Variants in DCLRE1A observed in about 807,000 individuals in gnomAD.
DCLRE1A encodes DNA cross-link repair 1A, also known as DNA cross-link repair 1A protein.
Under a neutral mutation model 91.9 loss-of-function variants are expected in DCLRE1A, and 64 were observed. The observed-to-expected ratio is 0.70, with a 90% CI of 0.57 to 0.86. The LOEUF is 0.86. Among genes scored for constraint, DCLRE1A ranks in the 40% least tolerant of loss-of-function variants. The pLI is 0.00. For missense variants in DCLRE1A, 1,145 were observed against 1,213.3 expected (o/e 0.94, Z 0.84); for synonymous variants, 416 against 431.1 (o/e 0.96, Z 0.43).
At chr10:113,836,338 T>C (rs1312821527) in intron 8 of DCLRE1A, among the ~76,000 whole-genome samples, 4 of 152,100 alleles carry the variant, frequency 2.6e-5, no homozygotes, top group Admixed American at 2.6e-4. Flanking sequence ...ATTCTTCCTT[T>C]AGACACTTTA....
intron 1 of DCLRE1A, among the ~76,000 whole-genome samples, chr10:113,852,065 G>A (rs989487825): frequency 1.3e-5 from 2 of 152,138 alleles, no homozygotes; most frequent in Admixed American, 1.3e-4. Flanking sequence ...GGCCGGGCGC[G>A]GTGGTTCATG....
intron 5 of DCLRE1A, among the ~76,000 whole-genome samples, chr10:113,843,018 ATG>A (rs1401308366): frequency 1.7e-5 from 2 of 119,930 alleles, no homozygotes; most frequent in African/African-American, 6.5e-5. Context: ...ATATATGTAC[ATG>A]TGTACACACA....
chr10:113,837,765 G>A (rs762651778), intron 7 of DCLRE1A, among the ~76,000 whole-genome samples: 3 of 152,056 alleles, frequency 2.0e-5, no homozygotes, highest in Non-Finnish European at 4.4e-5. Flanking sequence ...ACTATTGTTG[G>A]AAGTAATATG....
At position 113,849,753 on chromosome 10, in the gene DCLRE1A, G is replaced by A; in HGVS notation, c.1352C>T (p.Ser451Phe). Residue 451 changes from serine to phenylalanine, a missense_variant, in exon 2 of 9, where the codon TCT (serine) becomes TTT (phenylalanine). Transcript: ENST00000361384. ...NKQKQVIEES[S>F]VYNQVSLPLV... The stretch of plus-strand genomic sequence containing the variant: ...CGGAAGAGAAACTTGATTGTAAACA[G>A]ATGATTCTTCAATTACCTGTTTCTG... 5 of 1,614,156 alleles carry A rather than the reference G, an allele frequency of 3.1e-6. No homozygotes were observed. The highest frequency in any genetic ancestry group is 4.2e-6 in the Non-Finnish European group (5 of 1,180,038).
In DCLRE1A at chr10:113,853,169, A is replaced by C; in HGVS notation, c.14T>G (p.Ile5Ser). MLED[I>S]SEEDIWEYKS... ...GTATTCCCAAATGTCTTCTTCGGAAATGTCTTCTAACATGGCAAAATGATT... is the reference window on the plus strand; with the variant it reads ...GTATTCCCAAATGTCTTCTTCGGAACTGTCTTCTAACATGGCAAAATGATT... The change falls in exon 1 of 9, where the codon ATT becomes AGT. Residue 5 changes from isoleucine to serine, a missense_variant. By Grantham distance (142) the Ile-to-Ser change is moderately radical (BLOSUM62 -2). Coordinates refer to ENST00000361384, the MANE Select transcript of DCLRE1A (RefSeq NM_014881.5). 1.3e-6 allele frequency: 2 copies of C among 1,563,362 alleles called. No individual in the cohort carries two copies. The highest frequency in any genetic ancestry group is 1.7e-6 in the Non-Finnish European group (2 of 1,163,270).
chr10:113,852,657 G>A, intron 1 of DCLRE1A, 66 bp downstream of exon 1: 2 of 1,434,688 alleles, frequency 1.4e-6, no homozygotes, highest in Non-Finnish European at 1.9e-6. Context: ...TCACTGAATT[G>A]GTATGTCTGA....
At position 113,850,642 on chromosome 10, in the gene DCLRE1A, A is replaced by G; in HGVS notation, c.463T>C (p.Cys155Arg). Residue 155 changes from cysteine to arginine, a missense_variant and splice_region_variant, in exon 2 of 9, where the codon TGT (cysteine) becomes CGT (arginine). Coordinates refer to ENST00000361384, the MANE Select transcript of DCLRE1A (RefSeq NM_014881.5). ...GAGGTACACAGAAGACCATCAGGAC[A>G]CTCTGAAATTTTAATAAAGAAAAAA... ...LDSPPRSETECPDGLLCTSTI... is the reference protein window; with the variant it reads ...LDSPPRSETERPDGLLCTSTI... 1 of 1,571,702 alleles carries G rather than the reference A, an allele frequency of 6.4e-7. No homozygotes were observed. Among genetic ancestry groups the G allele is most frequent in the Non-Finnish European group, 8.6e-7 (1 of 1,159,096 alleles).
At chr10:113,839,644 G>A (rs1845416533) in intron 7 of DCLRE1A, among the ~76,000 whole-genome samples, 1 of 152,154 alleles carries the variant, frequency 6.6e-6, no homozygotes, top group Admixed American at 6.5e-5. Flanking sequence ...ATAGTTGCTT[G>A]GGTCAGTGTG....
chr10:113,835,828 G>A (rs1845353210), intron 8 of DCLRE1A, among the ~76,000 whole-genome samples: 1 of 152,242 alleles, frequency 6.6e-6, no homozygotes, highest in African/African-American at 2.4e-5. Context: ...CCAGCTACTC[G>A]AGAGGCTGAG....
Position 113,852,759 on chromosome 10 carries a change from A to G in DCLRE1A, c.424T>C (p.Phe142Leu). ...CGTGGTGGAGAATCCAAACATTCAA[A>G]AACATGCCATCGAGGTGTCTGCCCT... ...LIGQTPRWHV[F>L]ECLDSPPRSE... Residue 142 changes from phenylalanine (F) to leucine (L), a missense_variant, in exon 1 of 9, where the codon TTT becomes CTT. Coordinates refer to ENST00000361384, the MANE Select transcript of DCLRE1A (RefSeq NM_014881.5). 1.2e-6 allele frequency: 2 copies of G among 1,614,190 alleles called. No homozygotes were observed. Among genetic ancestry groups the G allele is most frequent in the Non-Finnish European group, 8.5e-7 (1 of 1,180,036 alleles).
At position 113,853,134 on chromosome 10, in the gene DCLRE1A, T is replaced by C. The variant is rs1385035661; in HGVS notation, c.49A>G (p.Arg17Gly). The change falls in exon 1 of 9, where the codon AGA (arginine) becomes GGA (glycine). Residue 17 changes from arginine to glycine, a missense_variant. Physicochemically the swap from Arg to Gly is moderately radical, Grantham distance 125. Transcript: ENST00000361384. ...EEDIWEYKSK[R>G]KPKRVDPNNG... is the part of the protein sequence containing the mutation. ...TTTGGATCAACTCGTTTTGGTTTTC[T>C]TTTAGATTTGTATTCCCAAATGTCT... 1 of 1,592,048 alleles carries C rather than the reference T, an allele frequency of 6.3e-7. No homozygotes were observed. The highest frequency in any genetic ancestry group is 2.2e-5 in the East Asian group (1 of 44,812).
chr10:113,849,654 T>G lies in DCLRE1A; in HGVS notation c.1451A>C (p.Asn484Thr). Residue 484 changes from asparagine (N) to threonine (T), a missense_variant, in exon 2 of 9, where the codon AAT (asparagine) becomes ACT (threonine). Asn to Thr is a moderately conservative substitution (Grantham distance 65, BLOSUM62 0). Coordinates refer to ENST00000361384, the MANE Select transcript of DCLRE1A (RefSeq NM_014881.5). ...EGYLSSQPTQ[N>T]TIRKLSSENL... ...CTCACTTGATAATTTTCTAATTGTA[T>G]TTTGGGTTGGTTGGGAAGAAAGATA... 1 of 1,614,210 alleles carries G rather than the reference T, an allele frequency of 6.2e-7. No homozygotes were observed.
intron 4 of DCLRE1A, 68 bp downstream of exon 4, chr10:113,845,617 A>G (rs1480264373): frequency 8.6e-7 from 1 of 1,161,744 alleles, no homozygotes; most frequent in Non-Finnish European, 1.3e-6. Flanking sequence ...AAAAGTTATT[A>G]ATCATGCCAA....
chr10:113,839,684 T>G (rs1845417211), intron 7 of DCLRE1A, among the ~76,000 whole-genome samples: 1 of 152,160 alleles, frequency 6.6e-6, no homozygotes, highest in African/African-American at 2.4e-5. Flanking sequence ...CTTCACTTTC[T>G]GCGAGCTTAC....
chr10:113,849,581 C>T lies in DCLRE1A; in HGVS notation c.1524G>A (p.Lys508=), dbSNP rs772133343. 1.4e-5 allele frequency: 22 copies of T among 1,613,818 alleles called. No homozygotes were observed. Among genetic ancestry groups the T allele is most frequent in the African/African-American group, 2.7e-5 (2 of 74,938 alleles). ...TACCAACTGGCACACCCTCTAATGCCTTTCTGCAGAAACATGCTGAGTTAG... is the reference window on the plus strand; with the variant it reads ...TACCAACTGGCACACCCTCTAATGCTTTTCTGCAGAAACATGCTGAGTTAG... ...NNTNSACFCR[K]ALEGVPVGKA... Residue 508 remains lysine (K), a synonymous_variant, in exon 2 of 9, where the codon AAG becomes AAA. Transcript: ENST00000361384.
chr10:113,839,365 A>G (rs1845412319), intron 7 of DCLRE1A, among the ~76,000 whole-genome samples: 1 of 151,070 alleles, frequency 6.6e-6, no homozygotes, highest in Admixed American at 6.6e-5. Context: ...TCTTCCGAAA[A>G]TATTTGGGTA....
At chr10:113,848,892 T>TACACAC (rs17228707) in intron 2 of DCLRE1A, 88 bp downstream of exon 2, 18 of 1,135,514 alleles carry the variant, frequency 1.6e-5, no homozygotes, top group African/African-American at 3.1e-5. Flanking sequence ...AATTGTCTCA[T>TACACAC]ACACACACAC....
intron 2 of DCLRE1A, among the ~76,000 whole-genome samples, chr10:113,848,138 C>A (rs1845572355): frequency 2.0e-5 from 3 of 152,032 alleles, no homozygotes; most frequent in Admixed American, 2.0e-4. Context: ...ACGGTGAAAC[C>A]CCGTCTCTAC....
Position 113,852,771 on chromosome 10 carries a change from G to A in DCLRE1A, c.412C>T (p.Arg138Ter), listed in dbSNP as rs41292634. Residue 138 changes from arginine (R) to a stop codon, truncating the protein, a stop_gained, in exon 1 of 9, where the codon CGA becomes TGA. Coordinates refer to ENST00000361384, the MANE Select transcript of DCLRE1A (RefSeq NM_014881.5). LOFTEE classifies it high-confidence loss of function. ...PFSSLIGQTP[R>*]WHVFECLDSP... ...TCCAAACATTCAAAAACATGCCATCGAGGTGTCTGCCCTATCAATGAGGAA... is the reference window on the plus strand; with the variant it reads ...TCCAAACATTCAAAAACATGCCATCAAGGTGTCTGCCCTATCAATGAGGAA... 6,262 of 1,614,126 alleles carry A rather than the reference G, an allele frequency of 3.9e-3. 19 individuals carry two copies. The highest frequency in any genetic ancestry group is 4.6e-3 in the Non-Finnish European group (5,439 of 1,180,004).
Sources: allele counts gnomAD v4.1 joint callset (sites outside exome capture counted in the v4.1 genomes callset), GRCh38; gene constraint gnomAD v4.1.1; transcripts MANE v1.5; gene names NCBI Gene and HGNC (gene_info 2026-07-23, HGNC 2026-07-21).